The following MTF1 variants were observed in gnomAD, a reference collection of about 807,000 sequenced individuals.
MTF1 encodes MRE-binding transcription factor.
Under a neutral mutation model 70.4 loss-of-function variants are expected in MTF1, and 22 were observed. That is an observed-to-expected ratio of 0.31 (90% CI 0.22 to 0.45). The LOEUF (loss-of-function observed/expected upper bound fraction) is 0.45. Ranked by LOEUF, MTF1 falls within the 20% of genes least tolerant of loss-of-function variation. The pLI, the probability that MTF1 is intolerant of heterozygous loss-of-function variation, is 1.00. For missense variants in MTF1, 649 were observed against 922.0 expected (o/e 0.70, Z 3.83); for synonymous variants, 333 against 352.8 (o/e 0.94, Z 0.63).
chr1:37,839,730 T>A (rs1346666576), intron 3 of MTF1, among the ~76,000 whole-genome samples, 190 bp downstream of exon 3: 2 of 152,250 alleles, frequency 1.3e-5, no homozygotes, highest in Admixed American at 1.3e-4. Flanking sequence ...AACAGGTTTC[T>A]CTAATGCATT....
chr1:37,829,675 C>A (rs534333388), intron 7 of MTF1, among the ~76,000 whole-genome samples: 102 of 151,862 alleles, frequency 6.7e-4, no homozygotes, highest in African/African-American at 2.3e-3. Context: ...GGCCCAGCTA[C>A]TGGGGAGGCT....
intron 7 of MTF1, among the ~76,000 whole-genome samples, chr1:37,824,814 A>G (rs1384767901): frequency 1.3e-5 from 2 of 152,224 alleles, no homozygotes; most frequent in African/African-American, 4.8e-5. Context: ...ATGCATGGTA[A>G]TAAACAAGAC....
At chr1:37,852,828 A>G (rs940997844) in intron 2 of MTF1, among the ~76,000 whole-genome samples, 2 of 151,982 alleles carry the variant, frequency 1.3e-5, no homozygotes, top group Non-Finnish European at 2.9e-5. Flanking sequence ...ACAGGGTTTC[A>G]CCATGTTGGC....
intron 5 of MTF1, 134 bp downstream of exon 5, chr1:37,835,537 G>T: frequency 1.4e-6 from 1 of 709,490 alleles, no homozygotes; most frequent in Non-Finnish European, 2.4e-6. Flanking sequence ...AAACATTCTA[G>T]GTAAGGCTGA....
At position 37,835,870 on chromosome 1, in the gene MTF1, G is replaced by A. The variant is rs1371878274; in HGVS notation, c.780-126C>T. The A allele has an allele frequency of 6.9e-6, 5 of 720,278 alleles. 1 individual carries two copies. The highest frequency in any genetic ancestry group is 3.2e-5 in the South Asian group (2 of 63,176). The allele number at this position is 720,278 out of a possible 1,614,324, so 44.6% of individuals were successfully genotyped here. On this transcript the variant is annotated intron_variant, in intron 4 of 10. Coordinates refer to ENST00000373036, the MANE Select transcript of MTF1 (RefSeq NM_005955.3). ...GGCTGGAGTGCAGTGGCGCAATCTT[G>A]GCTCACTGCAAGCTCCACCTCCCGG...
chr1:37,835,107 T>C lies in MTF1; in HGVS notation c.962A>G (p.Asn321Ser), dbSNP rs1250493612. The change falls in exon 6 of 11, where the codon AAT becomes AGT. Residue 321 changes from asparagine (N) to serine (S), a missense_variant. This residue lies in a region of MTF1 where 267 missense variants were observed against 292.1 expected (regional missense o/e 0.91). Coordinates refer to ENST00000373036, the MANE Select transcript of MTF1 (RefSeq NM_005955.3). ...TGATCCATTGTGTTGTGGAAGTGCA[T>C]TGTATGAGTGTCCTTTGTTATCATG... is the stretch of plus-strand genomic sequence containing the variant. ...KGHDNKGHSY[N>S]ALPQHNGSED... The C allele has an allele frequency of 1.4e-5, 22 of 1,614,044 alleles. No homozygotes were observed. The highest frequency in any genetic ancestry group is 1.6e-5 in the Non-Finnish European group (19 of 1,180,016).
rs1641244070 is a variant in MTF1, at chr1:37,840,838, G to A, written c.409-680C>T. 1 of 270,580 alleles carries A rather than the reference G, an allele frequency of 3.7e-6. No individual in the cohort carries two copies. The highest frequency in any genetic ancestry group is 3.4e-5 in the South Asian group (1 of 29,690). 16.8% of individuals were successfully genotyped at this position (270,580 alleles called of 1,614,324 possible). On this transcript the variant is annotated intron_variant, in intron 2 of 10. Transcript: ENST00000373036. The surrounding 1 kb of genome is among the most constrained non-coding windows in gnomAD (Gnocchi z 4.5). ...AAATATCAAATGGCAGATGACTCTAGTGCAGTGGAGGGCCTGGAATGGGAG... is the reference window on the plus strand; with the variant it reads ...AAATATCAAATGGCAGATGACTCTAATGCAGTGGAGGGCCTGGAATGGGAG...
chr1:37,849,548 G>A (rs892158669), intron 2 of MTF1, among the ~76,000 whole-genome samples: 3 of 152,148 alleles, frequency 2.0e-5, no homozygotes, highest in African/African-American at 7.2e-5. Flanking sequence ...CGATTCCTAG[G>A]GTTTTTTCAT....
chr1:37,832,856 A>T (rs1418522548), intron 6 of MTF1, among the ~76,000 whole-genome samples: 1 of 152,078 alleles, frequency 6.6e-6, no homozygotes, highest in Admixed American at 6.6e-5. Context: ...AATACAAAAA[A>T]TTAGCTAGGC....
intron 2 of MTF1, among the ~76,000 whole-genome samples, chr1:37,852,633 A>AT (rs1641433166): frequency 8.5e-6 from 1 of 117,390 alleles, no homozygotes; most frequent in South Asian, 2.7e-4. Context: ...ATGATTCAAA[A>AT]CCTTTTTTTT....
At chr1:37,851,341 C>G (rs1457124173) in intron 2 of MTF1, among the ~76,000 whole-genome samples, 1 of 152,194 alleles carries the variant, frequency 6.6e-6, no homozygotes, top group African/African-American at 2.4e-5. Flanking sequence ...TATCCTTGAC[C>G]CTGTGCTATT....
At position 37,857,719 on chromosome 1, in the gene MTF1, A is replaced by G; in HGVS notation, c.-51-10T>C. The G allele has an allele frequency of 2.8e-5, 44 of 1,548,934 alleles. No homozygotes were observed. The highest frequency in any genetic ancestry group is 3.9e-5 in the Non-Finnish European group (44 of 1,135,282). On this transcript the variant is annotated splice_polypyrimidine_tract_variant and intron_variant, in intron 1 of 10. Transcript: ENST00000373036. ...AAACGTAATGACTTGTCTGCAACAG[A>G]ACAAAGCCAGAGTTAGAGTCATACC...
chr1:37,843,523 A>C (rs1641288131), intron 2 of MTF1, among the ~76,000 whole-genome samples: 1 of 152,192 alleles, frequency 6.6e-6, no homozygotes, highest in African/African-American at 2.4e-5. Flanking sequence ...TTTTCTGTAA[A>C]GGGCTAAACA....
intron 2 of MTF1, among the ~76,000 whole-genome samples, chr1:37,845,864 T>TC (rs1641324259): frequency 6.6e-6 from 1 of 151,998 alleles, no homozygotes. Context: ...AAATGCGTGC[T>TC]CCCCCCATAA....
Position 37,859,538 on chromosome 1 carries a change from G to A in MTF1, c.-59C>T. 1 of 399,036 alleles carries A rather than the reference G, an allele frequency of 2.5e-6. No homozygotes were observed. The highest frequency in any genetic ancestry group is 4.4e-6 in the Non-Finnish European group (1 of 226,428). The allele number at this position is 399,036 out of a possible 1,614,324, so 24.7% of individuals were successfully genotyped here. A position where few individuals can be genotyped will look rare whatever the true frequency, so the allele number is the denominator to read the frequency against. On this transcript the variant is annotated 5_prime_UTR_variant, in exon 1 of 11. Transcript: ENST00000373036. ...TCTAGTTTCGCCTTTTACCTCCGCG[G>A]CTCCCGGCAACGGCGGCAGCAGCAG...
rs1640799825 is a variant in MTF1 at position 37,815,385 on chromosome 1, C to T, written c.2013G>A (p.Leu671=). 6.2e-7 allele frequency: 1 copy of T among 1,613,956 alleles called. No individual in the cohort carries two copies. Among genetic ancestry groups the T allele is most frequent in the African/African-American group, 1.3e-5 (1 of 74,884 alleles). ...AAGAGAAAGTCTGCGCTGGGAGCTG[C>T]AGGCTGGGCCCATCAGGAGCCTGGG... ...PSPQAPDGPS[L]QLPAQTFSSA... The change falls in exon 11 of 11, where the codon CTG becomes CTA. Residue 671 remains leucine, a synonymous_variant. Transcript: ENST00000373036. The surrounding 1 kb of genome is among the most constrained non-coding windows in gnomAD (Gnocchi z 4.5).
intron 5 of MTF1, 135 bp downstream of exon 5, chr1:37,835,536 A>G (rs751276153): frequency 1.4e-5 from 10 of 703,342 alleles, no homozygotes; most frequent in Non-Finnish European, 2.4e-5. Context: ...CAAACATTCT[A>G]GGTAAGGCTG....
In MTF1 at chr1:37,822,581, G is replaced by T; in HGVS notation, c.1307C>A (p.Pro436His). 1 of 1,614,064 alleles carries T rather than the reference G, an allele frequency of 6.2e-7. No individual in the cohort carries two copies. ...GLSEPPQPLLPASAPSAPPPA... is the reference protein window; with the variant it reads ...GLSEPPQPLLHASAPSAPPPA... ...CGGAGGAGCAGACGGAGCTGAGGCAGGTAGTAGAGGCTGGGGTGGCTCGGA... is the reference window on the plus strand; with the variant it reads ...CGGAGGAGCAGACGGAGCTGAGGCATGTAGTAGAGGCTGGGGTGGCTCGGA... Residue 436 changes from proline to histidine, a missense_variant, in exon 9 of 11, where the codon CCT becomes CAT. Pro to His is a moderately conservative substitution (Grantham distance 77, BLOSUM62 -2). This residue lies in a region of MTF1 where 267 missense variants were observed against 292.1 expected (regional missense o/e 0.91). Coordinates refer to ENST00000373036, the MANE Select transcript of MTF1 (RefSeq NM_005955.3).
chr1:37,837,851 T>C (rs962095438), intron 4 of MTF1, among the ~76,000 whole-genome samples: 1 of 152,182 alleles, frequency 6.6e-6, no homozygotes, highest in Non-Finnish European at 1.5e-5. Context: ...CATCTATCTA[T>C]ATTACATTTA....
Sources: gnomAD v4.1 joint callset for allele counts (sites outside exome capture counted in the v4.1 genomes callset) on GRCh38, gnomAD v4.1.1 for gene constraint, gnomAD v4.1.1 regional missense constraint, Gnocchi (gnomAD v3.1) non-coding constraint, MANE v1.5 for transcripts, NCBI Gene and HGNC (gene_info 2026-07-23, HGNC 2026-07-21) for gene names.